DNAH14: variants seen among roughly 807,000 people sequenced by gnomAD.
DNAH14 encodes dynein axonemal heavy chain 14.
In DNAH14, 478 loss-of-function variants were observed where a neutral mutation model predicts 520.9. The ratio of observed to expected loss-of-function variants is 0.92; its 90% confidence interval spans 0.85 to 0.99. The LOEUF is 0.99. DNAH14 is among the 50% of genes least tolerant of loss of function. The pLI is 0.00. For synonymous variants in DNAH14, 1,581 were observed against 1,757.2 expected, an observed-to-expected ratio of 0.90 and a Z score of 2.51; for missense variants, 4,831 against 5,234.5, an observed-to-expected ratio of 0.92 and a Z score of 2.38.
intron 38 of DNAH14, among the ~76,000 whole-genome samples, chr1:225,193,377 C>CA (rs2085700360): frequency 6.6e-6 from 1 of 151,882 alleles, no homozygotes; most frequent in African/African-American, 2.4e-5. Context: ...AACACATTAA[C>CA]AAAAAGATGA....
intron 8 of DNAH14, among the ~76,000 whole-genome samples, chr1:225,001,098 C>T (rs2063738667): frequency 6.8e-6 from 1 of 147,038 alleles, no homozygotes; most frequent in Admixed American, 6.9e-5. Context: ...TTTAGCTAGG[C>T]AATGGACTTT....
At chr1:225,368,649 C>A (rs544320735) in intron 77 of DNAH14, among the ~76,000 whole-genome samples, 1 of 152,010 alleles carries the variant, frequency 6.6e-6, no homozygotes, top group Non-Finnish European at 1.5e-5. Flanking sequence ...GTGCTTCCAG[C>A]GTACAACATT....
At chr1:225,260,208 T>C (rs879405804) in intron 46 of DNAH14, among the ~76,000 whole-genome samples, 2 of 151,996 alleles carry the variant, frequency 1.3e-5, no homozygotes, top group Non-Finnish European at 2.9e-5. Context: ...AAAGATTAGC[T>C]GGATGTGGTG....
At chr1:225,003,836 T>C (rs1386533613) in intron 9 of DNAH14, among the ~76,000 whole-genome samples, 1 of 152,134 alleles carries the variant, frequency 6.6e-6, no homozygotes, top group Non-Finnish European at 1.5e-5. Flanking sequence ...AAATAGGATA[T>C]GGTTTTCTTG....
At chr1:225,273,300 T>C (rs2093364139) in intron 52 of DNAH14, among the ~76,000 whole-genome samples, 175 bp downstream of exon 52, 2 of 152,074 alleles carry the variant, frequency 1.3e-5, no homozygotes, top group African/African-American at 2.4e-5. Context: ...GGCGTGGTGA[T>C]GGGCGCCTGT....
rs2094506465 is a variant in DNAH14, at chr1:225,318,588, T to C, written c.9246T>C (p.Thr3082=). Residue 3082 remains threonine, a synonymous_variant, in exon 61 of 86, where the codon ACT becomes ACC. Transcript: ENST00000682510. ...VRIVEDYAQK[T]ANELKSVLPA... is the part of the protein sequence containing the mutation. Reference sequence around the variant, plus strand: ...GACCTATATTTTTATTGCAGAAAACTGCCAATGAACTAAAAAGTGTGCTGC... The same window carrying C: ...GACCTATATTTTTATTGCAGAAAACCGCCAATGAACTAAAAAGTGTGCTGC... The C allele has an allele frequency of 6.5e-7, 1 of 1,544,432 alleles. No individual in the cohort carries two copies. Among genetic ancestry groups the C allele is most frequent in the Non-Finnish European group, 8.7e-7 (1 of 1,143,800 alleles).
intron 15 of DNAH14, among the ~76,000 whole-genome samples, chr1:225,047,721 A>G (rs2068089739): frequency 1.3e-5 from 2 of 152,246 alleles, no homozygotes; most frequent in African/African-American, 2.4e-5. Flanking sequence ...TGTATCAACT[A>G]AAATACAGTG....
intron 31 of DNAH14, among the ~76,000 whole-genome samples, chr1:225,150,587 T>A (rs1478260643): frequency 2.0e-5 from 3 of 152,202 alleles, no homozygotes; most frequent in Non-Finnish European, 4.4e-5. Context: ...CCATTATTGG[T>A]CTGTTCAGGG....
At chr1:225,373,750 G>A (rs2095649368) in intron 77 of DNAH14, among the ~76,000 whole-genome samples, 2 of 152,006 alleles carry the variant, frequency 1.3e-5, no homozygotes, top group East Asian at 1.9e-4. Context: ...AGTACCACGT[G>A]CCTGCTTTGC....
intron 43 of DNAH14, among the ~76,000 whole-genome samples, chr1:225,251,819 A>G (rs953844790): frequency 1.3e-5 from 2 of 152,216 alleles, no homozygotes; most frequent in Non-Finnish European, 2.9e-5. Flanking sequence ...ATAAGAATAT[A>G]TGAAATACTA....
chr1:224,949,457 G>A (rs1037189502), intron 1 of DNAH14, among the ~76,000 whole-genome samples: 4 of 152,114 alleles, frequency 2.6e-5, no homozygotes, highest in African/African-American at 9.7e-5. Flanking sequence ...ATTATTCTCA[G>A]TCATTATGGT....
At chr1:224,969,348 T>G (rs994274963) in intron 7 of DNAH14, 1 of 156,552 alleles carries the variant, frequency 6.4e-6, no homozygotes, top group African/African-American at 2.4e-5. Context: ...AGTATAACTT[T>G]TGACTCTACC....
intron 3 of DNAH14, 115 bp downstream of exon 3, chr1:224,955,213 A>G (rs2060434337): frequency 1.7e-6 from 2 of 1,145,914 alleles, no homozygotes; most frequent in Admixed American, 4.6e-5. Context: ...TTGAAATATT[A>G]GTGTCTATTT....
chr1:225,030,919 C>T (rs1481145745), intron 11 of DNAH14, among the ~76,000 whole-genome samples: 1 of 151,918 alleles, frequency 6.6e-6, no homozygotes, highest in Non-Finnish European at 1.5e-5. Context: ...AAAAGGCCTA[C>T]TGAGATTTTG....
rs561913999 is a variant in DNAH14, at chr1:225,106,066, G to A, written c.3867+5182G>A. Among the ~76,000 whole-genome samples the A allele has an allele frequency of 7.9e-4, 115 of 145,042 alleles. 6 individuals carry two copies. Among genetic ancestry groups the A allele is most frequent in the African/African-American group, 3.2e-3 (113 of 35,426 alleles). On this transcript the variant is annotated intron_variant, in intron 23 of 85. Transcript: ENST00000682510. ...AGTGCTTCCTTCAGGAGCACTTTTA[G>A]GGCAGGCCTGGTGGTGACAAAATCT...
chr1:225,168,631 G>A (rs1307604056), intron 36 of DNAH14, among the ~76,000 whole-genome samples: 1 of 152,188 alleles, frequency 6.6e-6, no homozygotes, highest in Admixed American at 6.5e-5. Flanking sequence ...TGAGGCTTGA[G>A]CAGGTAAACA....
At chr1:225,118,263 C>G in intron 25 of DNAH14, 1 of 484,564 alleles carries the variant, frequency 2.1e-6, no homozygotes, top group Non-Finnish European at 3.7e-6. Flanking sequence ...TCATTAAATT[C>G]TGCCTTAAGT....
chr1:225,334,837 C>A (rs192367351), intron 66 of DNAH14, among the ~76,000 whole-genome samples: 1 of 151,612 alleles, frequency 6.6e-6, no homozygotes, highest in Non-Finnish European at 1.5e-5. Flanking sequence ...CCATTGCACT[C>A]CAGCATGGGA....
chr1:225,055,363 A>G (rs1024936982), intron 17 of DNAH14, among the ~76,000 whole-genome samples: 1 of 152,156 alleles, frequency 6.6e-6, no homozygotes, highest in African/African-American at 2.4e-5. Flanking sequence ...CTAGACTATT[A>G]CTGAAATAGA....
Sources: allele counts gnomAD v4.1 joint callset (sites outside exome capture counted in the v4.1 genomes callset), GRCh38; gene constraint gnomAD v4.1.1; transcripts MANE v1.5; gene names NCBI Gene and HGNC (gene_info 2026-07-23, HGNC 2026-07-21).